Variants in PPARGC1A observed in about 807,000 individuals in gnomAD.
PPARGC1A encodes the protein peroxisome proliferator-activated receptor gamma coactivator 1-alpha.
A neutral mutation model predicts 88.7 loss-of-function variants in PPARGC1A; 25 were observed. That is an observed-to-expected ratio of 0.28 (90% confidence interval 0.21 to 0.39). The LOEUF is 0.39. Ranked by LOEUF, PPARGC1A falls within the 10% of genes least tolerant of loss-of-function variation. The pLI is 1.00. For synonymous variants in PPARGC1A, 363 were observed against 355.6 expected (o/e 1.02, Z -0.24); for missense variants, 880 against 968.7 (o/e 0.91, Z 1.22).
chr4:24,194,162 C>T, the PPARGC1A span, among the ~76,000 whole-genome samples: 1 of 147,842 alleles, frequency 6.8e-6, no homozygotes, highest in South Asian at 2.1e-4. Flanking sequence ...CAATGAACAA[C>T]AGGAAAAAGA....
chr4:24,379,314 G>T, the PPARGC1A span, among the ~76,000 whole-genome samples: 52 of 152,256 alleles, frequency 3.4e-4, no homozygotes, highest in South Asian at 0.011. Flanking sequence ...AGAGAGGTTG[G>T]TTAATAGGTA....
chr4:24,110,957 C>G, the PPARGC1A span, among the ~76,000 whole-genome samples: 1 of 152,144 alleles, frequency 6.6e-6, no homozygotes, highest in Non-Finnish European at 1.5e-5. Flanking sequence ...TCTGGTAGGT[C>G]ATTCTACATA....
the PPARGC1A span, among the ~76,000 whole-genome samples, chr4:24,385,955 G>A: frequency 6.6e-6 from 1 of 151,996 alleles, no homozygotes; most frequent in African/African-American, 2.4e-5. Context: ...AAAATTTCAG[G>A]CCAATACCCC....
At chr4:23,894,082 T>C, upstream of PPARGC1A, among the ~76,000 whole-genome samples, 1 of 152,030 alleles carries the variant, frequency 6.6e-6, no homozygotes, top group East Asian at 1.9e-4. Context: ...GTTTCATCCA[T>C]AAGAATAATA....
At chr4:24,408,412 A>C in the PPARGC1A span, among the ~76,000 whole-genome samples, 1 of 151,948 alleles carries the variant, frequency 6.6e-6, no homozygotes, top group Non-Finnish European at 1.5e-5. Flanking sequence ...TTCAAACACT[A>C]ATTGAATATT....
chr4:24,432,608 C>T, the PPARGC1A span, among the ~76,000 whole-genome samples: 5 of 152,128 alleles, frequency 3.3e-5, no homozygotes, highest in Admixed American at 1.3e-4. Context: ...TGAGAGGTGC[C>T]CTGGAAGAAA....
chr4:24,006,738 C>T, the PPARGC1A span, among the ~76,000 whole-genome samples: 1 of 152,054 alleles, frequency 6.6e-6, no homozygotes, highest in Admixed American at 6.6e-5. Context: ...TTACTGTTCA[C>T]CAGTCAAGGA....
chr4:23,917,621 C>A, the PPARGC1A span, among the ~76,000 whole-genome samples: 1 of 152,182 alleles, frequency 6.6e-6, no homozygotes, highest in Admixed American at 6.5e-5. Flanking sequence ...CCACGCCCGG[C>A]TTTTCTGTGT....
chr4:23,893,875 C>G (rs1182857416), upstream of PPARGC1A, among the ~76,000 whole-genome samples: 1 of 152,116 alleles, frequency 6.6e-6, no homozygotes, highest in African/African-American at 2.4e-5. Context: ...AAGACATATA[C>G]AGCAGACCAC....
At chr4:24,138,785 A>C in the PPARGC1A span, among the ~76,000 whole-genome samples, 1 of 152,224 alleles carries the variant, frequency 6.6e-6, no homozygotes. Context: ...AAACATCAGC[A>C]GAAATCCATG....
intron 2 of PPARGC1A, among the ~76,000 whole-genome samples, chr4:23,833,687 C>T (rs1725464713): frequency 6.6e-6 from 1 of 152,172 alleles, no homozygotes; most frequent in Non-Finnish European, 1.5e-5. Flanking sequence ...AATTGTTTTC[C>T]TTAATTCCTG....
the PPARGC1A span, among the ~76,000 whole-genome samples, chr4:24,234,246 C>T: frequency 5.9e-5 from 9 of 152,258 alleles, no homozygotes; most frequent in African/African-American, 9.6e-5. Flanking sequence ...TGACAGCCAG[C>T]GAGGCTTATA....
At chr4:24,467,948 C>T in the PPARGC1A span, among the ~76,000 whole-genome samples, 3 of 152,144 alleles carry the variant, frequency 2.0e-5, no homozygotes, top group African/African-American at 7.2e-5. Flanking sequence ...ATGTCTTTTA[C>T]GTAGCCTCAG....
the PPARGC1A span, among the ~76,000 whole-genome samples, chr4:24,388,274 C>T: frequency 6.6e-6 from 1 of 152,032 alleles, no homozygotes; most frequent in South Asian, 2.1e-4. Flanking sequence ...AATAAGATAC[C>T]ATCTCACACC....
At chr4:24,196,689 A>G in the PPARGC1A span, among the ~76,000 whole-genome samples, 1 of 152,346 alleles carries the variant, frequency 6.6e-6, no homozygotes, top group Admixed American at 6.5e-5. Flanking sequence ...TTCTTGATGT[A>G]GGCACAATTC....
At chr4:24,166,481 A>C in the PPARGC1A span, among the ~76,000 whole-genome samples, 1 of 152,198 alleles carries the variant, frequency 6.6e-6, no homozygotes, top group African/African-American at 2.4e-5. Flanking sequence ...ATAGTTAGAA[A>C]GGAGGAGTCA....
the PPARGC1A span, among the ~76,000 whole-genome samples, chr4:24,114,849 T>C: frequency 6.6e-6 from 1 of 152,150 alleles, no homozygotes; most frequent in Non-Finnish European, 1.5e-5. Flanking sequence ...CGTGGGTAAA[T>C]AGAAATTCCT....
intron 7 of PPARGC1A, chr4:23,820,788 T>C (rs561264087): frequency 5.6e-6 from 1 of 177,982 alleles, no homozygotes; most frequent in East Asian, 1.7e-4. Flanking sequence ...GGCAGAGGCA[T>C]TATTCTGGAG....
the PPARGC1A span, among the ~76,000 whole-genome samples, chr4:24,030,994 A>G: frequency 6.6e-6 from 1 of 152,114 alleles, no homozygotes; most frequent in Non-Finnish European, 1.5e-5. Flanking sequence ...GGAGAAAAGG[A>G]GGCAGAAAAT....
Sources: gnomAD v4.1 joint callset for allele counts (sites outside exome capture counted in the v4.1 genomes callset) on GRCh38, gnomAD v4.1.1 for gene constraint, MANE v1.5 for transcripts, NCBI Gene and HGNC (gene_info 2026-07-23, HGNC 2026-07-21) for gene names.